WDR89: variants seen among roughly 807,000 people sequenced by gnomAD.
WDR89 encodes the protein WD repeat-containing protein 89.
In WDR89, 17 loss-of-function variants were observed where a neutral mutation model predicts 29.1. The ratio of observed to expected loss-of-function variants is 0.58; its 90% CI spans 0.40 to 0.88. WDR89 has a LOEUF of 0.88. WDR89 is among the 40% of genes least tolerant of loss of function. WDR89 has a pLI of 0.00. For missense variants in WDR89, 396 were observed against 456.3 expected (o/e 0.87, Z 1.20); for synonymous variants, 138 against 157.8 (o/e 0.87, Z 0.94).
rs183188785 is a variant in WDR89 at position 63,639,534 on chromosome 14, A to G, written c.-138+2270T>C. ...TGTTGTAATTTGTTACAGTAGCTAT[A>G]TGAACAAAATACACCCTTTTGACAG... On this transcript the variant is annotated intron_variant, in intron 1 of 2. Coordinates refer to ENST00000620954, the MANE Select transcript of WDR89 (RefSeq NM_080666.4). 2.8e-4 allele frequency among the ~76,000 whole-genome samples: 42 copies of G among 152,316 alleles called. No individual in the cohort carries two copies. The East Asian group carries it at 7.9e-3, about 29-fold the overall frequency.
At chr14:63,637,499 G>A (rs1426863227) in intron 1 of WDR89, among the ~76,000 whole-genome samples, 5 of 152,144 alleles carry the variant, frequency 3.3e-5, no homozygotes, top group African/African-American at 4.8e-5. Flanking sequence ...CTGCATAATC[G>A]TGGAACCAAT....
At chr14:63,638,916 G>A (rs577030262) in intron 1 of WDR89, among the ~76,000 whole-genome samples, 2 of 152,232 alleles carry the variant, frequency 1.3e-5, no homozygotes, top group South Asian at 2.1e-4. Context: ...ATGACAAAAG[G>A]GACTTTACAA....
At chr14:63,633,739 C>T (rs1027221977) in intron 1 of WDR89, among the ~76,000 whole-genome samples, 4 of 152,112 alleles carry the variant, frequency 2.6e-5, no homozygotes, top group Non-Finnish European at 4.4e-5. Context: ...TTCCTCTCTA[C>T]TGAACACAGT....
At chr14:63,603,354 A>C (rs1002971867) in intron 2 of WDR89, among the ~76,000 whole-genome samples, 1 of 152,062 alleles carries the variant, frequency 6.6e-6, no homozygotes, top group Admixed American at 6.6e-5. Context: ...TCCATTCCTA[A>C]ATACTTCACT....
chr14:63,607,930 C>T (rs553592884), intron 2 of WDR89, among the ~76,000 whole-genome samples: 5 of 149,888 alleles, frequency 3.3e-5, no homozygotes, highest in African/African-American at 9.8e-5. Flanking sequence ...CCAGGCCGGG[C>T]GCAGCAGTGG....
intron 2 of WDR89, among the ~76,000 whole-genome samples, chr14:63,613,820 T>C (rs1249025242): frequency 7.2e-6 from 1 of 139,616 alleles, no homozygotes; most frequent in East Asian, 2.1e-4. Context: ...TTTTTAAACA[T>C]CTTTTTTTTT....
chr14:63,600,844 G>T (rs539776454), intron 2 of WDR89, among the ~76,000 whole-genome samples: 2 of 149,118 alleles, frequency 1.3e-5, no homozygotes, highest in Admixed American at 1.3e-4. Context: ...TGGAATTAAG[G>T]TTGCTTATCA....
intron 2 of WDR89, among the ~76,000 whole-genome samples, chr14:63,622,733 C>T (rs180996109): frequency 1.8e-3 from 272 of 152,126 alleles, no homozygotes; most frequent in Non-Finnish European, 3.0e-3. Context: ...GCTCACAGCA[C>T]TCCACCCTGG....
chr14:63,641,097 CAAAAAAA>C (rs57478091), intron 1 of WDR89, among the ~76,000 whole-genome samples: 19 of 64,202 alleles, frequency 3.0e-4, no homozygotes, highest in East Asian at 1.2e-3. Flanking sequence ...GACTCCATCT[CAAAAAAA>C]AAAAAAAAAA....
rs1461572018 is a variant in WDR89, at chr14:63,608,697, C to CACACAA, written c.-31-8725_-31-8724insTTGTGT. The stretch of plus-strand genomic sequence containing the variant: ...ACACACACACACACACACACACACA[C>CACACAA]AAATAGGTTTAAGAAGCAAAACCCC... On this transcript the variant is annotated intron_variant, in intron 2 of 2. Coordinates refer to ENST00000620954, the MANE Select transcript of WDR89 (RefSeq NM_080666.4). Among the ~76,000 whole-genome samples the CACACAA allele has an allele frequency of 3.1e-3, 468 of 151,808 alleles. 3 individuals are homozygous for CACACAA. Among genetic ancestry groups the CACACAA allele is most frequent in the African/African-American group, 0.011 (442 of 41,276 alleles).
At chr14:63,615,683 T>C (rs1343312426) in intron 2 of WDR89, among the ~76,000 whole-genome samples, 1 of 152,188 alleles carries the variant, frequency 6.6e-6, no homozygotes, top group Non-Finnish European at 1.5e-5. Flanking sequence ...TCCCAGCACT[T>C]TGGCAGGCCG....
At chr14:63,619,208 G>A (rs1244623256) in intron 2 of WDR89, among the ~76,000 whole-genome samples, 1 of 152,188 alleles carries the variant, frequency 6.6e-6, no homozygotes, top group Non-Finnish European at 1.5e-5. Flanking sequence ...CAGCATCCCA[G>A]GCCTGACGCT....
At chr14:63,600,147 C>A (rs1310132876) in intron 2 of WDR89, among the ~76,000 whole-genome samples, 174 bp from the exon 3 acceptor site, 4 of 152,136 alleles carry the variant, frequency 2.6e-5, no homozygotes, top group Non-Finnish European at 1.5e-5. Flanking sequence ...TAATCATTTC[C>A]TTCCTATGAT....
intron 1 of WDR89, among the ~76,000 whole-genome samples, chr14:63,627,210 A>T (rs1365965217): frequency 2.0e-5 from 3 of 149,744 alleles, no homozygotes; most frequent in African/African-American, 7.4e-5. Context: ...CTTTTTGACA[A>T]GTATTCTGGT....
chr14:63,629,613 T>C (rs950293422), intron 1 of WDR89, among the ~76,000 whole-genome samples: 9 of 152,172 alleles, frequency 5.9e-5, no homozygotes, highest in African/African-American at 2.2e-4. Flanking sequence ...CAGACAAGCA[T>C]GAAAAGTACT....
chr14:63,614,570 G>C (rs1882189080), intron 2 of WDR89, among the ~76,000 whole-genome samples: 2 of 152,286 alleles, frequency 1.3e-5, no homozygotes, highest in South Asian at 4.1e-4. Flanking sequence ...AAAGAGGGAA[G>C]AGTAAAATAG....
At chr14:63,607,125 C>T (rs1895357436) in intron 2 of WDR89, among the ~76,000 whole-genome samples, 2 of 152,144 alleles carry the variant, frequency 1.3e-5, no homozygotes, top group African/African-American at 4.8e-5. Context: ...AATAAGCAAT[C>T]ATCCTTTACT....
chr14:63,636,287 C>T (rs1019296415), intron 1 of WDR89, among the ~76,000 whole-genome samples: 1 of 152,186 alleles, frequency 6.6e-6, no homozygotes, highest in Non-Finnish European at 1.5e-5. Context: ...AATGGAAACA[C>T]ATCCCATGTT....
At chr14:63,639,281 A>G (rs1883939047) in intron 1 of WDR89, among the ~76,000 whole-genome samples, 1 of 149,326 alleles carries the variant, frequency 6.7e-6, no homozygotes, top group South Asian at 2.1e-4. Context: ...GAACTTTGGG[A>G]GGCCAAGGTG....
Sources: allele counts gnomAD v4.1 joint callset (sites outside exome capture counted in the v4.1 genomes callset), GRCh38; gene constraint gnomAD v4.1.1; transcripts MANE v1.5; gene names NCBI Gene and HGNC (gene_info 2026-07-23, HGNC 2026-07-21).